The following XPO7 variants were observed in gnomAD, a reference collection of about 807,000 sequenced individuals.
XPO7 encodes the protein exportin-7.
XPO7 carries 21 observed loss-of-function variants against 144.3 expected under a neutral mutation model. That is an observed-to-expected ratio of 0.15 (90% CI 0.10 to 0.21). The LOEUF (loss-of-function observed/expected upper bound fraction) is 0.21, where lower values mean the gene tolerates loss of function less well. XPO7 is among the 10% of genes least tolerant of loss of function. The pLI is 1.00. For missense variants in XPO7, 808 were observed against 1,325.8 expected (o/e 0.61, Z 6.06); for synonymous variants, 580 against 499.6 (o/e 1.16, Z -2.15).
At chr8:21,930,935 G>T (rs1810625269) in intron 1 of XPO7, among the ~76,000 whole-genome samples, 1 of 152,130 alleles carries the variant, frequency 6.6e-6, no homozygotes, top group South Asian at 2.1e-4. Context: ...CTGCCTTCTG[G>T]GTTCAAGCAA....
chr8:21,958,626 G>T (rs547791921), intron 1 of XPO7, among the ~76,000 whole-genome samples: 2 of 151,300 alleles, frequency 1.3e-5, no homozygotes, highest in South Asian at 2.1e-4. Context: ...AAAAAAACCC[G>T]TAAAGGACCT....
chr8:21,999,338 T>G, intron 23 of XPO7, 33 bp downstream of exon 23: 2 of 1,609,468 alleles, frequency 1.2e-6, no homozygotes, highest in Non-Finnish European at 8.5e-7. Context: ...ACAATCTTGT[T>G]CCTCATCACA....
At chr8:21,973,018 C>A (rs1812116488) in intron 5 of XPO7, among the ~76,000 whole-genome samples, 1 of 152,016 alleles carries the variant, frequency 6.6e-6, no homozygotes, top group Non-Finnish European at 1.5e-5. Flanking sequence ...ATTTTATTCT[C>A]AGAACAGTCA....
chr8:21,942,524 C>T (rs1811027206), intron 1 of XPO7, among the ~76,000 whole-genome samples: 1 of 152,164 alleles, frequency 6.6e-6, no homozygotes, highest in Admixed American at 6.5e-5. Flanking sequence ...GTTACTTCTG[C>T]ATTCAGACTA....
At chr8:21,984,922 A>G in intron 12 of XPO7, 83 bp downstream of exon 12, 3 of 1,414,208 alleles carry the variant, frequency 2.1e-6, no homozygotes, top group East Asian at 4.7e-5. Context: ...CCTCTTTCCT[A>G]CCTCCCTGCA....
rs71544845 is a variant in XPO7 at position 21,955,724 on chromosome 8, C to CTTTTTTT, written c.19-11116_19-11110dup. ...CTCATGGCCTGTATTCTGTGCTTAC[C>CTTTTTTT]TTTTTTTTTTTTTTTTTTTTTTTGA... On this transcript the variant is annotated intron_variant, in intron 1 of 27. Coordinates refer to ENST00000252512, the MANE Select transcript of XPO7 (RefSeq NM_015024.5). 2.2e-3 allele frequency among the ~76,000 whole-genome samples: 224 copies of CTTTTTTT among 102,736 alleles called. 3 individuals are homozygous for CTTTTTTT. Among genetic ancestry groups the CTTTTTTT allele is most frequent in the Non-Finnish European group, 2.9e-3 (158 of 55,298 alleles). 67.4% of individuals were successfully genotyped at this position (102,736 alleles called of 152,430 possible).
intron 16 of XPO7, among the ~76,000 whole-genome samples, chr8:21,989,957 CT>C (rs1391818467): frequency 6.7e-6 from 1 of 148,540 alleles, no homozygotes; most frequent in Non-Finnish European, 1.5e-5. Context: ...TCATGCCATT[CT>C]CCTGCCTCAG....
intron 1 of XPO7, among the ~76,000 whole-genome samples, chr8:21,940,226 T>C (rs2117266062): frequency 6.6e-6 from 1 of 152,346 alleles, no homozygotes; most frequent in African/African-American, 2.4e-5. Flanking sequence ...ACCAATTCAT[T>C]ATCTTGAAAA....
intron 1 of XPO7, among the ~76,000 whole-genome samples, chr8:21,926,880 A>G (rs1250213543): frequency 6.6e-6 from 1 of 152,204 alleles, no homozygotes; most frequent in Admixed American, 6.5e-5. Context: ...TGACCCATCT[A>G]AGGATCCCTG....
At chr8:21,979,989 C>T (rs1276571202) in intron 8 of XPO7, 95 bp from the exon 9 acceptor site, 2 of 1,333,610 alleles carry the variant, frequency 1.5e-6, no homozygotes, top group East Asian at 2.8e-5. Flanking sequence ...CTTCAGATAT[C>T]CTAAAGAAGG....
intron 21 of XPO7, 57 bp from the exon 22 acceptor site, chr8:21,998,698 C>A: frequency 6.7e-7 from 1 of 1,491,520 alleles, no homozygotes; most frequent in Non-Finnish European, 9.3e-7. Flanking sequence ...GCCTCAAGTA[C>A]CCCAGTCTTC....
rs192977614 is a variant in XPO7 at position 21,934,415 on chromosome 8, C to A, written c.18+14627C>A. Among the ~76,000 whole-genome samples, 810 of 152,240 alleles carry A rather than the reference C, an allele frequency of 5.3e-3. 6 individuals are homozygous for A. Among genetic ancestry groups the A allele is most frequent in the African/African-American group, 0.018 (766 of 41,512 alleles). On this transcript the variant is annotated intron_variant, in intron 1 of 27. Coordinates refer to ENST00000252512, the MANE Select transcript of XPO7 (RefSeq NM_015024.5). ...GGGCGTGGTGGCGCATGCCTGTAAT[C>A]CCAGCTACTTGGGAGGCTGAGGCAG...
chr8:21,920,795 C>T (rs907434600), intron 1 of XPO7, among the ~76,000 whole-genome samples: 24 of 152,076 alleles, frequency 1.6e-4, no homozygotes, highest in Non-Finnish European at 2.8e-4. Context: ...TAACCAAGTG[C>T]ACAGGTTTTG....
Position 21,985,742 on chromosome 8 carries a change from A to G in XPO7, c.1577+51A>G, listed in dbSNP as rs748156504. Reference sequence around the variant, plus strand: ...CACTCTGCCTTGCTGGCACTTCTCCACTCCCCGATAGGGTCCTCTCCACTT... The same window carrying G: ...CACTCTGCCTTGCTGGCACTTCTCCGCTCCCCGATAGGGTCCTCTCCACTT... On this transcript the variant is annotated intron_variant, in intron 13 of 27. Transcript: ENST00000252512. 42 of 1,502,678 alleles carry G rather than the reference A, an allele frequency of 2.8e-5. 1 individual carries two copies. Among genetic ancestry groups the G allele is most frequent in the Non-Finnish European group, 3.7e-5 (40 of 1,081,178 alleles). 93.1% of individuals were successfully genotyped at this position (1,502,678 alleles called of 1,614,324 possible).
At chr8:21,925,084 C>A (rs1010086435) in intron 1 of XPO7, among the ~76,000 whole-genome samples, 1 of 152,158 alleles carries the variant, frequency 6.6e-6, no homozygotes, top group Non-Finnish European at 1.5e-5. Context: ...AGTCACTACC[C>A]CGTTATCTTT....
chr8:21,975,695 G>C (rs1812203113), intron 6 of XPO7, among the ~76,000 whole-genome samples: 1 of 152,198 alleles, frequency 6.6e-6, no homozygotes, highest in African/African-American at 2.4e-5. Flanking sequence ...CCCGCTGGAG[G>C]GGAAAAGCTT....
chr8:21,951,688 G>A (rs2117291149), intron 1 of XPO7, among the ~76,000 whole-genome samples: 1 of 152,296 alleles, frequency 6.6e-6, no homozygotes, highest in South Asian at 2.1e-4. Context: ...ACACTTAGAA[G>A]AACCAATAGC....
At position 21,988,226 on chromosome 8, in the gene XPO7, G is replaced by T. The variant is rs76450605; in HGVS notation, c.1787+369G>T. On this transcript the variant is annotated intron_variant, in intron 15 of 27. Coordinates refer to ENST00000252512, the MANE Select transcript of XPO7 (RefSeq NM_015024.5). ...GCATAGGCATTCACTTTCTGTTGCTGATTTCCTCTCGTTATCCCCTCGAAG... is the reference window on the plus strand; with the variant it reads ...GCATAGGCATTCACTTTCTGTTGCTTATTTCCTCTCGTTATCCCCTCGAAG... 2.7e-4 allele frequency: 55 copies of T among 202,736 alleles called. 1 individual carries two copies. The East Asian group carries it at 7.2e-3, about 26-fold the overall frequency. The allele number at this position is 202,736 out of a possible 1,614,324, so 12.6% of individuals were successfully genotyped here. A position where few individuals can be genotyped will look rare whatever the true frequency, so the allele number is the denominator to read the frequency against.
At chr8:21,926,856 C>A (rs1429796949) in intron 1 of XPO7, among the ~76,000 whole-genome samples, 1 of 152,080 alleles carries the variant, frequency 6.6e-6, no homozygotes, top group Non-Finnish European at 1.5e-5. Context: ...ATATTTTTGT[C>A]TTCAGCTTGT....
Sources: allele counts gnomAD v4.1 joint callset (sites outside exome capture counted in the v4.1 genomes callset), GRCh38; gene constraint gnomAD v4.1.1; transcripts MANE v1.5; gene names NCBI Gene and HGNC (gene_info 2026-07-23, HGNC 2026-07-21).